The following SETBP1 variants were observed in gnomAD, a reference collection of about 807,000 sequenced individuals.
The protein encoded by SETBP1 is SET-binding protein.
SETBP1 carries 9 observed loss-of-function variants against 101.0 expected under a neutral mutation model. The ratio of observed to expected loss-of-function variants is 0.09; its 90% CI spans 0.05 to 0.16. The LOEUF is 0.16. Ranked by LOEUF, SETBP1 falls within the 10% of genes least tolerant of loss-of-function variation. The pLI is 1.00. For missense variants in SETBP1, 1,858 were observed against 2,033.8 expected (o/e 0.91, Z 1.66); for synonymous variants, 818 against 788.5 (o/e 1.04, Z -0.63).
intron 3 of SETBP1, among the ~76,000 whole-genome samples, chr18:44,938,895 G>T (rs1269380411): frequency 1.3e-5 from 2 of 151,818 alleles, no homozygotes; most frequent in East Asian, 3.9e-4. Context: ...CTTGCGGGCC[G>T]CCCTATGTTT....
At chr18:44,857,832 T>C (rs11659902) in intron 2 of SETBP1, among the ~76,000 whole-genome samples, 67 of 152,348 alleles carry the variant, frequency 4.4e-4, no homozygotes, top group Non-Finnish European at 8.1e-4. Context: ...TGGGGAGATC[T>C]AATCCACATT....
At chr18:44,992,926 A>C (rs961434583) in intron 4 of SETBP1, among the ~76,000 whole-genome samples, 2 of 152,154 alleles carry the variant, frequency 1.3e-5, no homozygotes, top group African/African-American at 4.8e-5. Flanking sequence ...ATAAAAACAA[A>C]CGTAATCTAG....
rs910757588 is a variant in SETBP1 at position 44,764,899 on chromosome 18, T to C, written c.486+63067T>C. ...GGAAGCTTTTTGAGGGCAGGGACTT[T>C]GCTCTGCTCACATTGTGTCCTTGTG... On this transcript the variant is annotated intron_variant, in intron 2 of 5. Transcript: ENST00000649279. 2.6e-5 allele frequency among the ~76,000 whole-genome samples: 4 copies of C among 152,236 alleles called. No individual in the cohort carries two copies. The East Asian group carries it at 7.7e-4, about 29-fold the overall frequency.
intron 2 of SETBP1, among the ~76,000 whole-genome samples, chr18:44,852,314 T>C (rs2072885231): frequency 6.6e-6 from 1 of 152,190 alleles, no homozygotes; most frequent in South Asian, 2.1e-4. Context: ...TCAGCCTCTT[T>C]TGAGATCTCC....
chr18:44,896,225 G>A (rs1017816656), intron 3 of SETBP1, among the ~76,000 whole-genome samples: 13 of 152,158 alleles, frequency 8.5e-5, no homozygotes, highest in African/African-American at 2.9e-4. Context: ...AAGTGGCTTG[G>A]AGGTCCACTG....
intron 4 of SETBP1, among the ~76,000 whole-genome samples, chr18:45,003,199 C>T (rs140583602): frequency 6.6e-6 from 1 of 152,218 alleles, no homozygotes; most frequent in East Asian, 1.9e-4. Flanking sequence ...CAAAAATATG[C>T]AAACTTTCAA....
intron 2 of SETBP1, among the ~76,000 whole-genome samples, chr18:44,804,247 T>C (rs1347172094): frequency 6.6e-6 from 1 of 152,144 alleles, no homozygotes; most frequent in African/African-American, 2.4e-5. Context: ...TGACATTTAT[T>C]TCCATTCAGG....
intron 2 of SETBP1, among the ~76,000 whole-genome samples, chr18:44,829,184 T>C (rs1420126204): frequency 6.6e-6 from 1 of 152,276 alleles, no homozygotes; most frequent in East Asian, 1.9e-4. Context: ...TTTGGGTCCA[T>C]GTGGGTTTTC....
At chr18:45,009,022 T>G (rs905991616) in intron 4 of SETBP1, among the ~76,000 whole-genome samples, 1 of 152,024 alleles carries the variant, frequency 6.6e-6, no homozygotes, top group Non-Finnish European at 1.5e-5. Context: ...GGGGAGGCAA[T>G]TGCCACCGTG....
intron 3 of SETBP1, among the ~76,000 whole-genome samples, chr18:44,891,642 G>GAA (rs76279795): frequency 4.6e-4 from 69 of 151,306 alleles, no homozygotes; most frequent in Middle Eastern, 3.4e-3. Context: ...TTCTATTCCT[G>GAA]AAAAAAAAAT....
At chr18:44,829,212 C>T (rs2072304935) in intron 2 of SETBP1, among the ~76,000 whole-genome samples, 1 of 150,030 alleles carries the variant, frequency 6.7e-6, no homozygotes, top group Non-Finnish European at 1.5e-5. Flanking sequence ...GCAGATTAGA[C>T]GTTAAAGTGT....
intron 3 of SETBP1, among the ~76,000 whole-genome samples, chr18:44,933,394 G>T (rs1311009565): frequency 6.6e-6 from 1 of 152,242 alleles, no homozygotes; most frequent in African/African-American, 2.4e-5. Context: ...GGCTACTCGG[G>T]GGTCAGGGAC....
intron 3 of SETBP1, among the ~76,000 whole-genome samples, chr18:44,892,000 T>C (rs920925250): frequency 2.0e-5 from 3 of 151,808 alleles, no homozygotes; most frequent in African/African-American, 7.3e-5. Flanking sequence ...GACTCAAAAG[T>C]TGAGGGGAGG....
At chr18:45,005,594 T>C (rs2072706190) in intron 4 of SETBP1, among the ~76,000 whole-genome samples, 1 of 150,862 alleles carries the variant, frequency 6.6e-6, no homozygotes, top group Non-Finnish European at 1.5e-5. Context: ...TCAAAGGTAC[T>C]CCAGGCCTGA....
At chr18:44,913,981 T>C (rs1366929448) in intron 3 of SETBP1, among the ~76,000 whole-genome samples, 1 of 152,184 alleles carries the variant, frequency 6.6e-6, no homozygotes, top group East Asian at 1.9e-4. Flanking sequence ...ATAATAATAA[T>C]AATAATGCAG....
At chr18:44,765,936 T>A (rs1275551960) in intron 2 of SETBP1, among the ~76,000 whole-genome samples, 1 of 152,216 alleles carries the variant, frequency 6.6e-6, no homozygotes, top group Non-Finnish European at 1.5e-5. Flanking sequence ...TAATAGTAAT[T>A]AGAGTTATAC....
chr18:44,709,978 G>A (rs1262255368), intron 2 of SETBP1, among the ~76,000 whole-genome samples: 1 of 151,908 alleles, frequency 6.6e-6, no homozygotes, highest in African/African-American at 2.4e-5. Context: ...AGTGTCAAAG[G>A]AACCATCAAG....
intron 3 of SETBP1, among the ~76,000 whole-genome samples, chr18:44,885,123 A>G (rs1273867398): frequency 1.3e-5 from 2 of 152,182 alleles, no homozygotes; most frequent in East Asian, 1.9e-4. Flanking sequence ...TCATGATATC[A>G]GAATGGCGTC....
intron 2 of SETBP1, among the ~76,000 whole-genome samples, chr18:44,819,238 T>C (rs954576044): frequency 1.3e-5 from 2 of 152,194 alleles, no homozygotes; most frequent in Non-Finnish European, 2.9e-5. Context: ...ATCCATCACC[T>C]GGTTTCCTTT....
Sources: gnomAD v4.1 joint callset for allele counts (sites outside exome capture counted in the v4.1 genomes callset) on GRCh38, gnomAD v4.1.1 for gene constraint, MANE v1.5 for transcripts, NCBI Gene and HGNC (gene_info 2026-07-23, HGNC 2026-07-21) for gene names.